The following TRIM10 variants were observed in gnomAD, a reference collection of about 807,000 sequenced individuals.
The protein encoded by TRIM10 is tripartite motif-containing protein 10.
A neutral mutation model predicts 40.0 loss-of-function variants in TRIM10; 42 were observed. The observed-to-expected ratio is 1.05, with a 90% CI of 0.82 to 1.36. The LOEUF is 1.36. Ranked by LOEUF, TRIM10 falls within the 40% of genes most tolerant of loss-of-function variation. The pLI is 0.00. For missense variants in TRIM10, 601 were observed against 608.3 expected (o/e 0.99, Z 0.13); for synonymous variants, 260 against 239.5 (o/e 1.09, Z -0.79).
chr6:30,156,050 G>C (rs1451503865), intron 5 of TRIM10, among the ~76,000 whole-genome samples: 1 of 152,164 alleles, frequency 6.6e-6, no homozygotes, highest in East Asian at 1.9e-4. Flanking sequence ...CCCTAGCCCT[G>C]ATCAAACAGG....
At chr6:30,163,554 T>TCTCTC, upstream of TRIM10, 12 of 1,136,752 alleles carry the variant, frequency 1.1e-5, no homozygotes, top group Non-Finnish European at 1.4e-5. Flanking sequence ...CTCTCTCTCT[T>TCTCTC]TCTCTCTCTC....
Position 30,160,630 on chromosome 6 carries a change from T to C in TRIM10, c.229A>G (p.Asn77Asp). The C allele has an allele frequency of 6.2e-7, 1 of 1,614,222 alleles. No individual in the cohort carries two copies. The highest frequency in any genetic ancestry group is 8.5e-7 in the Non-Finnish European group (1 of 1,180,022). ...GSFRPNWQLA[N>D]VVENIERLQL... ...AGGCGCTCAATGTTCTCCACCACGTTAGCCAGCTGCCAGTTGGGCCGGAAG... is the reference window on the plus strand; with the variant it reads ...AGGCGCTCAATGTTCTCCACCACGTCAGCCAGCTGCCAGTTGGGCCGGAAG... Residue 77 changes from asparagine (N) to aspartate (D), a missense_variant, in exon 1 of 7, where the codon AAC (asparagine) becomes GAC (aspartate). Asn to Asp is a conservative substitution (Grantham distance 23). Coordinates refer to ENST00000449742, the MANE Select transcript of TRIM10 (RefSeq NM_006778.4).
rs759538414 is a variant in TRIM10 at position 30,153,746 on chromosome 6, G to C, written c.*223C>G. 3 of 1,613,078 alleles carry C rather than the reference G, an allele frequency of 1.9e-6. No individual in the cohort carries two copies. Among genetic ancestry groups the C allele is most frequent in the Non-Finnish European group, 2.5e-6 (3 of 1,180,040 alleles). On this transcript the variant is annotated 3_prime_UTR_variant, in exon 7 of 7. Coordinates refer to ENST00000449742, the MANE Select transcript of TRIM10 (RefSeq NM_006778.4). ...TGGTGAGCAGAACTGGCAGCAGCCTGAGTCCCCAGGTACCCTGGCCATCCA... is the reference window on the plus strand; with the variant it reads ...TGGTGAGCAGAACTGGCAGCAGCCTCAGTCCCCAGGTACCCTGGCCATCCA...
intron 6 of TRIM10, among the ~76,000 whole-genome samples, chr6:30,155,117 GC>G (rs1772405102): frequency 6.6e-6 from 1 of 152,138 alleles, no homozygotes; most frequent in Non-Finnish European, 1.5e-5. Context: ...AAATTGAGAA[GC>G]TTCCATAAAT....
chr6:30,162,729 G>T (rs1218683976), upstream of TRIM10, among the ~76,000 whole-genome samples: 1 of 152,048 alleles, frequency 6.6e-6, no homozygotes, highest in Non-Finnish European at 1.5e-5. Flanking sequence ...TTTACATTTG[G>T]AAAGTCAGTT....
rs774671278 is a variant in TRIM10, at chr6:30,156,944, A to C, written c.890T>G (p.Phe297Cys). ...ALPLQREMKM[F>C]LEKLCFELDY... ...GAGGCCTGGGGTTCTCTTACCCAGA[A>C]ACATCTTCATCTCCCTCTGCAGCGG... The change falls in exon 5 of 7, where the codon TTT becomes TGT. Residue 297 changes from phenylalanine (F) to cysteine (C), a missense_variant. By Grantham distance (205) the Phe-to-Cys change is radical. Transcript: ENST00000449742. 1 of 1,612,968 alleles carries C rather than the reference A, an allele frequency of 6.2e-7. No individual in the cohort carries two copies.
chr6:30,154,242 C>T lies in TRIM10; in HGVS notation c.1173G>A (p.Lys391=), dbSNP rs772942873. The change falls in exon 7 of 7, where the codon AAG becomes AAA. Residue 391 remains lysine (K), a synonymous_variant. Transcript: ENST00000449742. ...CCTCTGGCCGCAGCCGAAGCTCCCC[C>T]TTCCGCTGCACATCCTCGCTCACCA... ...VGVVSEDVQR[K]GELRLRPEEG... is the part of the protein sequence containing the mutation. 1.2e-6 allele frequency: 2 copies of T among 1,613,062 alleles called. No homozygotes were observed. The highest frequency in any genetic ancestry group is 1.7e-5 in the Admixed American group (1 of 60,012).
intron 5 of TRIM10, 139 bp from the exon 6 acceptor site, chr6:30,155,898 C>T: frequency 1.3e-6 from 1 of 745,396 alleles, no homozygotes; most frequent in Non-Finnish European, 2.2e-6. Flanking sequence ...ACCAGTGGTT[C>T]CAAGCTTGCA....
chr6:30,157,098 A>G, intron 4 of TRIM10, 44 bp from the exon 5 acceptor site: 1 of 1,575,740 alleles, frequency 6.3e-7, no homozygotes, highest in Non-Finnish European at 8.7e-7. Context: ...ATCATCCTTA[A>G]TAATGTCTCC....
intron 1 of TRIM10, among the ~76,000 whole-genome samples, chr6:30,160,149 C>T (rs993419343): frequency 6.6e-6 from 1 of 152,166 alleles, no homozygotes; most frequent in African/African-American, 2.4e-5. Context: ...TCAGACACAC[C>T]TGATCCATGG....
chr6:30,153,971 A>G lies in TRIM10; in HGVS notation c.1444T>C (p.Ter482ArgextTer34), dbSNP rs200487688. ...GGAGAGTAGGTAACTGCTCCTTCTC[A>G]GGAGCTCAGGGAGAAACTGGACCCT... Reference protein sequence around the residue: ...GRGSSFSLSS* With the variant: ...GRGSSFSLSSR Residue 482 changes from the stop codon to arginine, a stop_lost, in exon 7 of 7, where the codon TGA becomes CGA. Transcript: ENST00000449742. 7.1e-5 allele frequency: 114 copies of G among 1,595,980 alleles called. No homozygotes were observed. The highest frequency in any genetic ancestry group is 8.9e-5 in the Non-Finnish European group (104 of 1,167,810).
chr6:30,160,816 T>A lies in TRIM10; in HGVS notation c.43A>T (p.Asn15Tyr). ...ASVTSLADEV[N>Y]CPICQGTLRE... ...AGGGTACCCTGACAGATGGGGCAGTTGACTTCATCTGCCAGGCTGGTCACA... is the reference window on the plus strand; with the variant it reads ...AGGGTACCCTGACAGATGGGGCAGTAGACTTCATCTGCCAGGCTGGTCACA... The change falls in exon 1 of 7, where the codon AAC becomes TAC. Residue 15 changes from asparagine to tyrosine, a missense_variant. Physicochemically the swap from Asn to Tyr is moderately radical, Grantham distance 143. Coordinates refer to ENST00000449742, the MANE Select transcript of TRIM10 (RefSeq NM_006778.4). 1 of 1,613,472 alleles carries A rather than the reference T, an allele frequency of 6.2e-7. No individual in the cohort carries two copies. The highest frequency in any genetic ancestry group is 1.7e-5 in the Admixed American group (1 of 60,000).
At chr6:30,155,633 A>T in intron 6 of TRIM10, 94 bp downstream of exon 6, 2 of 1,106,576 alleles carry the variant, frequency 1.8e-6, no homozygotes, top group Non-Finnish European at 2.7e-6. Context: ...GACTATTGTC[A>T]TAGTCATAAC....
In TRIM10 at chr6:30,160,419, C is replaced by T; in HGVS notation, c.429+11G>A. 2 of 1,609,214 alleles carry T rather than the reference C, an allele frequency of 1.2e-6. No individual in the cohort carries two copies. Among genetic ancestry groups the T allele is most frequent in the Middle Eastern group, 1.7e-4 (1 of 6,036 alleles). ...AGTCCACCCTGGGATCCCCCAGTTCCCCTTTCCTACCCTATAGGGAGCCGC... is the reference window on the plus strand; with the variant it reads ...AGTCCACCCTGGGATCCCCCAGTTCTCCTTTCCTACCCTATAGGGAGCCGC... On this transcript the variant is annotated intron_variant, in intron 1 of 6. Transcript: ENST00000449742.
chr6:30,153,040 A>C lies in TRIM10; in HGVS notation c.*929T>G, dbSNP rs1772157888. On this transcript the variant is annotated 3_prime_UTR_variant, in exon 7 of 7. Transcript: ENST00000449742. ...GGTTGAGTGTGGTCCCTGGGTTATG[A>C]TTTATGGCTATACCTTATGTCCTCC... The C allele has an allele frequency of 6.6e-6, 1 of 152,318 alleles. No individual in the cohort carries two copies. Among genetic ancestry groups the C allele is most frequent in the Non-Finnish European group, 1.5e-5 (1 of 68,186 alleles). 9.4% of individuals were successfully genotyped at this position (152,318 alleles called of 1,614,324 possible). A position where few individuals can be genotyped will look rare whatever the true frequency, so the allele number is the denominator to read the frequency against.
chr6:30,159,371 TC>T (rs147693026), intron 1 of TRIM10, 126 bp from the exon 2 acceptor site: 9,112 of 649,856 alleles, frequency 0.014, 113 homozygotes, highest in Middle Eastern at 0.029. Flanking sequence ...TAGCTGACAA[TC>T]CCCGAGCCTT....
chr6:30,163,554 T>TCTTTCTCCCTCTCTGTCTCTC, upstream of TRIM10: 1 of 1,136,868 alleles, frequency 8.8e-7, no homozygotes, highest in East Asian at 2.8e-5. Flanking sequence ...CTCTCTCTCT[T>TCTTTCTCCCTCTCTGTCTCTC]TCTCTCTCTC....
At chr6:30,161,997 C>G (rs537369677), upstream of TRIM10, among the ~76,000 whole-genome samples, 1 of 151,926 alleles carries the variant, frequency 6.6e-6, no homozygotes, top group East Asian at 1.9e-4. Context: ...GTGTGTTGGC[C>G]GGGCGCGGTG....
In TRIM10 at chr6:30,154,249, T is replaced by C; in HGVS notation, c.1166A>G (p.Gln389Arg). The change falls in exon 7 of 7, where the codon CAG becomes CGG. Residue 389 changes from glutamine (Q) to arginine (R), a missense_variant. Coordinates refer to ENST00000449742, the MANE Select transcript of TRIM10 (RefSeq NM_006778.4). ...CCGCAGCCGAAGCTCCCCCTTCCGC[T>C]GCACATCCTCGCTCACCACGCCCAC... ...CTVGVVSEDV[Q>R]RKGELRLRPE... 1.2e-6 allele frequency: 2 copies of C among 1,613,024 alleles called. No individual in the cohort carries two copies. The highest frequency in any genetic ancestry group is 1.7e-6 in the Non-Finnish European group (2 of 1,180,002).
Sources: gnomAD v4.1 joint callset for allele counts (sites outside exome capture counted in the v4.1 genomes callset) on GRCh38, gnomAD v4.1.1 for gene constraint, MANE v1.5 for transcripts, NCBI Gene and HGNC (gene_info 2026-07-23, HGNC 2026-07-21) for gene names.